CCDC85A: variants seen among roughly 807,000 people sequenced by gnomAD.
CCDC85A encodes the protein coiled-coil domain-containing protein 85A.
CCDC85A carries 38 observed loss-of-function variants against 50.2 expected under a neutral mutation model. That is an observed-to-expected ratio of 0.76 (90% CI 0.58 to 0.99). The LOEUF (loss-of-function observed/expected upper bound fraction) is 0.99, where lower values mean the gene tolerates loss of function less well. CCDC85A is among the 50% of genes least tolerant of loss of function. The probability of loss-of-function intolerance (pLI) is 0.00; values close to 1 mark genes in which losing one functional copy is unlikely to be tolerated. For missense variants in CCDC85A, 820 were observed against 742.0 expected, an observed-to-expected ratio of 1.11 and a Z score of -1.22; for synonymous variants, 366 against 301.4, an observed-to-expected ratio of 1.21 and a Z score of -2.22.
At position 56,372,366 on chromosome 2, in the gene CCDC85A, C is replaced by A. The variant is rs753335865; in HGVS notation, c.1340C>A (p.Pro447His). ...AAGGCCAGCCAGAATAGAAGGCAACCTCCAACTAGAAACAGCTCAAATATG... is the reference window on the plus strand; with the variant it reads ...AAGGCCAGCCAGAATAGAAGGCAACATCCAACTAGAAACAGCTCAAATATG... The part of the protein sequence containing the change: ...LPQASQNRRQ[P>H]PTRNSSNMEK... The change falls in exon 4 of 6, where the codon CCT (proline) becomes CAT (histidine). Residue 447 changes from proline (P) to histidine (H), a missense_variant. By Grantham distance (77) the Pro-to-His change is moderately conservative. Transcript: ENST00000407595. The A allele has an allele frequency of 3.8e-6, 6 of 1,586,184 alleles. No homozygotes were observed. The highest frequency in any genetic ancestry group is 5.1e-6 in the Non-Finnish European group (6 of 1,165,732).
intron 2 of CCDC85A, among the ~76,000 whole-genome samples, chr2:56,339,157 C>G (rs1470075365): frequency 6.6e-6 from 1 of 152,122 alleles, no homozygotes; most frequent in Non-Finnish European, 1.5e-5. Flanking sequence ...AGAACAGTGC[C>G]TGACACAAAT....
chr2:56,195,795 T>C (rs1460827024), intron 2 of CCDC85A, among the ~76,000 whole-genome samples: 3 of 152,180 alleles, frequency 2.0e-5, no homozygotes, highest in Non-Finnish European at 4.4e-5. Flanking sequence ...GTGTGAAATA[T>C]GAGTGTTTTG....
At chr2:56,256,399 A>G (rs1162472276) in intron 2 of CCDC85A, among the ~76,000 whole-genome samples, 1 of 152,194 alleles carries the variant, frequency 6.6e-6, no homozygotes, top group East Asian at 1.9e-4. Context: ...ATTACTATTT[A>G]TTAAGTGGGC....
chr2:56,376,063 A>G (rs1286566814), intron 5 of CCDC85A, 128 bp downstream of exon 5: 2 of 961,506 alleles, frequency 2.1e-6, no homozygotes, highest in Admixed American at 3.7e-5. Context: ...TTATGGTGTA[A>G]CTTTTTAAAT....
chr2:56,196,026 A>G (rs1473090853), intron 2 of CCDC85A, among the ~76,000 whole-genome samples: 1 of 152,206 alleles, frequency 6.6e-6, no homozygotes, highest in Non-Finnish European at 1.5e-5. Context: ...TTGAGCATTT[A>G]TAAATCTTCT....
At chr2:56,327,831 C>CAAAA (rs70955016) in intron 2 of CCDC85A, among the ~76,000 whole-genome samples, 4 of 93,244 alleles carry the variant, frequency 4.3e-5, no homozygotes, top group South Asian at 3.7e-4. Context: ...TAGAGTAAGG[C>CAAAA]AAAAAAAAAA....
intron 2 of CCDC85A, among the ~76,000 whole-genome samples, chr2:56,218,792 G>A (rs1358393862): frequency 2.6e-5 from 4 of 151,676 alleles, no homozygotes; most frequent in Non-Finnish European, 5.9e-5. Flanking sequence ...TGAAGAGGCT[G>A]GGCAAGGAGA....
intron 1 of CCDC85A, among the ~76,000 whole-genome samples, chr2:56,185,462 C>A (rs922488785): frequency 6.6e-6 from 1 of 152,184 alleles, no homozygotes; most frequent in Non-Finnish European, 1.5e-5. Flanking sequence ...TCTGCCTTCA[C>A]GTCTTCTCCC....
chr2:56,236,720 A>T (rs940840024), intron 2 of CCDC85A, among the ~76,000 whole-genome samples: 1 of 152,218 alleles, frequency 6.6e-6, no homozygotes, highest in Non-Finnish European at 1.5e-5. Context: ...TAGTGGAGGC[A>T]TGACGAGAAT....
chr2:56,208,185 CAT>C (rs1677029606), intron 2 of CCDC85A, among the ~76,000 whole-genome samples: 1 of 151,944 alleles, frequency 6.6e-6, no homozygotes, highest in Non-Finnish European at 1.5e-5. Flanking sequence ...AATGAGGTCA[CAT>C]GTCTGCTTTC....
chr2:56,201,464 G>C (rs1221012350), intron 2 of CCDC85A, among the ~76,000 whole-genome samples: 2 of 151,964 alleles, frequency 1.3e-5, no homozygotes, highest in Non-Finnish European at 2.9e-5. Flanking sequence ...TTTGCCTTCT[G>C]GTCTTGATTA....
chr2:56,245,422 G>A (rs1264370836), intron 2 of CCDC85A, among the ~76,000 whole-genome samples: 1 of 152,234 alleles, frequency 6.6e-6, no homozygotes, highest in Non-Finnish European at 1.5e-5. Context: ...TCTGCCAGGG[G>A]ATGGAGGAGG....
intron 2 of CCDC85A, among the ~76,000 whole-genome samples, chr2:56,276,290 C>CTTT (rs775980476): frequency 6.6e-6 from 1 of 152,106 alleles, no homozygotes; most frequent in Non-Finnish European, 1.5e-5. Context: ...TGCTTACTGG[C>CTTT]TTTTTATTTT....
intron 2 of CCDC85A, among the ~76,000 whole-genome samples, chr2:56,254,383 C>T (rs1164570754): frequency 6.6e-6 from 1 of 151,856 alleles, no homozygotes; most frequent in African/African-American, 2.4e-5. Flanking sequence ...ATGTGGACCC[C>T]ATCCTGAAAC....
In CCDC85A at chr2:56,371,403, A is replaced by T. The variant is rs1428578373; in HGVS notation, c.1318-941A>T. 2.0e-5 allele frequency among the ~76,000 whole-genome samples: 3 copies of T among 152,120 alleles called. 1 individual carries two copies. Among genetic ancestry groups the T allele is most frequent in the Non-Finnish European group, 2.9e-5 (2 of 68,004 alleles). ...CGCTAACTTCAAAAAAAATGAATTG[A>T]TGAGAATTAAAATTTTATGTTCTTA... On this transcript the variant is annotated intron_variant, in intron 3 of 5. Transcript: ENST00000407595.
chr2:56,363,823 T>G (rs1675656168), intron 3 of CCDC85A, among the ~76,000 whole-genome samples: 1 of 152,222 alleles, frequency 6.6e-6, no homozygotes, highest in South Asian at 2.1e-4. Context: ...ATTACTTCTT[T>G]GCCATTGCAT....
intron 2 of CCDC85A, among the ~76,000 whole-genome samples, chr2:56,242,092 A>C (rs1228107765): frequency 1.3e-5 from 2 of 152,168 alleles, no homozygotes; most frequent in East Asian, 1.9e-4. Flanking sequence ...GATGTTGAGC[A>C]CCTTTTCATA....
At position 56,375,094 on chromosome 2, in the gene CCDC85A, C is replaced by T. The variant is rs112100744; in HGVS notation, c.1453-722C>T. Among the ~76,000 whole-genome samples the T allele has an allele frequency of 3.5e-3, 529 of 152,278 alleles. 2 individuals carry two copies. The highest frequency in any genetic ancestry group is 0.012 in the African/African-American group (491 of 41,556). On this transcript the variant is annotated intron_variant, in intron 4 of 5. Transcript: ENST00000407595. ...TCTTTTTCTTTACTGATCCATTAGTCTTCCCCCAAGCACCCTTTAGAAAAA... is the reference window on the plus strand; with the variant it reads ...TCTTTTTCTTTACTGATCCATTAGTTTTCCCCCAAGCACCCTTTAGAAAAA...
intron 2 of CCDC85A, among the ~76,000 whole-genome samples, chr2:56,221,155 T>G (rs1240116192): frequency 6.6e-6 from 1 of 152,078 alleles, no homozygotes; most frequent in Non-Finnish European, 1.5e-5. Flanking sequence ...TAGAACTGTC[T>G]TAAGTGGGTT....
Sources: gnomAD v4.1 joint callset for allele counts (sites outside exome capture counted in the v4.1 genomes callset) on GRCh38, gnomAD v4.1.1 for gene constraint, MANE v1.5 for transcripts, NCBI Gene and HGNC (gene_info 2026-07-23, HGNC 2026-07-21) for gene names.